STX3: variants seen among roughly 807,000 people sequenced by gnomAD.
The protein encoded by STX3 is syntaxin 3, also known as syntaxin-3.
Under a neutral mutation model 40.2 loss-of-function variants are expected in STX3, and 19 were observed. The ratio of observed to expected loss-of-function variants is 0.47; its 90% CI spans 0.33 to 0.69. The LOEUF is 0.69. STX3 is among the 30% of genes least tolerant of loss of function. STX3 has a pLI of 0.02. For synonymous variants in STX3, 122 were observed against 132.2 expected (o/e 0.92, Z 0.53); for missense variants, 364 against 366.7 (o/e 0.99, Z 0.06).
At chr11:59,780,753 A>C (rs1864318863) in intron 2 of STX3, among the ~76,000 whole-genome samples, 2 of 152,176 alleles carry the variant, frequency 1.3e-5, no homozygotes, top group Admixed American at 6.5e-5. Context: ...GTGCCCCAGC[A>C]AACTTCTGTT....
chr11:59,793,365 T>C lies in STX3; in HGVS notation c.541-15T>C. 1 of 1,612,002 alleles carries C rather than the reference T, an allele frequency of 6.2e-7. No homozygotes were observed. Among genetic ancestry groups the C allele is most frequent in the South Asian group, 1.1e-5 (1 of 90,932 alleles). On this transcript the variant is annotated splice_polypyrimidine_tract_variant and intron_variant, in intron 7 of 10. Coordinates refer to ENST00000337979, the MANE Select transcript of STX3 (RefSeq NM_004177.5). ...TTGCAGGGGTAGCTAACAGTCTGTG[T>C]GTGGCCTGTTGTAGATCATTGACTC...
intron 2 of STX3, among the ~76,000 whole-genome samples, chr11:59,781,092 T>A (rs1247221791): frequency 6.8e-6 from 1 of 147,186 alleles, no homozygotes; most frequent in Non-Finnish European, 1.5e-5. Flanking sequence ...TTTCTTTTTT[T>A]TTTTTTTTTA....
intron 1 of STX3, among the ~76,000 whole-genome samples, chr11:59,770,989 C>G (rs1863590574): frequency 1.3e-5 from 2 of 152,022 alleles, no homozygotes; most frequent in Non-Finnish European, 2.9e-5. Flanking sequence ...TGACTCGGGC[C>G]CATTCACTTC....
chr11:59,761,953 A>G (rs1048143802), intron 1 of STX3, among the ~76,000 whole-genome samples: 9 of 152,074 alleles, frequency 5.9e-5, no homozygotes, highest in Admixed American at 1.3e-4. Flanking sequence ...ACTACAGTGT[A>G]CACTTAGCAA....
intron 1 of STX3, among the ~76,000 whole-genome samples, chr11:59,765,530 G>A (rs550087762): frequency 6.6e-6 from 1 of 152,282 alleles, no homozygotes; most frequent in African/African-American, 2.4e-5. Flanking sequence ...CAGGCTGGGT[G>A]CGGTGGCTCA....
At chr11:59,773,700 C>A (rs1363549459) in intron 2 of STX3, among the ~76,000 whole-genome samples, 2 of 152,070 alleles carry the variant, frequency 1.3e-5, no homozygotes, top group Non-Finnish European at 2.9e-5. Context: ...AATTTTGGGG[C>A]CAGACATGGT....
chr11:59,773,343 A>G (rs757407833), intron 2 of STX3, 49 bp downstream of exon 2: 14 of 1,563,116 alleles, frequency 9.0e-6, no homozygotes, highest in South Asian at 3.4e-5. Flanking sequence ...AGGAAACACT[A>G]TTTCCTTAGT....
Position 59,793,106 on chromosome 11 carries a change from A to G in STX3, c.474A>G (p.Lys158=). 1.9e-6 allele frequency: 3 copies of G among 1,613,548 alleles called. No homozygotes were observed. The highest frequency in any genetic ancestry group is 2.5e-6 in the Non-Finnish European group (3 of 1,179,986). Residue 158 remains lysine (K), a synonymous_variant, in exon 7 of 11, where the codon AAA becomes AAG. Coordinates refer to ENST00000337979, the MANE Select transcript of STX3 (RefSeq NM_004177.5). The part of the protein sequence containing the change: ...RIQRQLEITG[K]KTTDEELEEM... ...ACTTCTTTTGTTACAAAGCTGGCAA[A>G]AAGACAACCGATGAGGAGCTGGAGG...
At chr11:59,799,742 T>G in intron 10 of STX3, 1 of 985,422 alleles carries the variant, frequency 1.0e-6, no homozygotes. Flanking sequence ...ATTACAGCAT[T>G]GAGCATTCAA....
At chr11:59,799,674 G>C in intron 10 of STX3, 1 of 985,406 alleles carries the variant, frequency 1.0e-6, no homozygotes. Context: ...ATTTGTTTCA[G>C]TGTGTCTCTT....
chr11:59,763,167 T>C (rs1480665443), intron 1 of STX3, among the ~76,000 whole-genome samples: 4 of 152,300 alleles, frequency 2.6e-5, no homozygotes, highest in Admixed American at 2.0e-4. Context: ...GCATGGAACA[T>C]TGTGGCTGTG....
At position 59,802,542 on chromosome 11, in the gene STX3, C is replaced by G; in HGVS notation, c.*1718C>G. On this transcript the variant is annotated 3_prime_UTR_variant, in exon 11 of 11. Transcript: ENST00000337979. ...GTGGATGGGCTCCAGCAACAAGAGA[C>G]AAAATAACTAAAGGCCTTTGCTCTC... The G allele has an allele frequency of 1.0e-6, 1 of 985,810 alleles. No homozygotes were observed. The highest frequency in any genetic ancestry group is 1.2e-6 in the Non-Finnish European group (1 of 829,916). The allele number at this position is 985,810 out of a possible 1,614,324, so 61.1% of individuals were successfully genotyped here.
chr11:59,781,216 TG>T, intron 2 of STX3: 2 of 794,116 alleles, frequency 2.5e-6, no homozygotes, highest in Non-Finnish European at 4.0e-6. Flanking sequence ...AACACAGTAA[TG>T]AAAAAAAAAA....
At chr11:59,771,396 C>T (rs1863624024) in intron 1 of STX3, among the ~76,000 whole-genome samples, 1 of 119,738 alleles carries the variant, frequency 8.4e-6, no homozygotes, top group African/African-American at 3.6e-5. Flanking sequence ...CCCCCCGTCC[C>T]CCCACCTCCC....
At position 59,805,612 on chromosome 11, in the gene STX3, G is replaced by A. The variant is rs1866061586; in HGVS notation, c.*4788G>A. The A allele has an allele frequency of 6.6e-6, 1 of 152,136 alleles. No homozygotes were observed. Among genetic ancestry groups the A allele is most frequent in the South Asian group, 2.1e-4 (1 of 4,832 alleles). The allele number at this position is 152,136 out of a possible 1,614,324, so 9.4% of individuals were successfully genotyped here. A position where few individuals can be genotyped will look rare whatever the true frequency, so the allele number is the denominator to read the frequency against. On this transcript the variant is annotated 3_prime_UTR_variant, in exon 11 of 11. Transcript: ENST00000337979. ...TGGAGCTATGAGGATCTGAGTCCTA[G>A]GGGGCCCTCATTCACTAGCAGTAAG...
intron 2 of STX3, among the ~76,000 whole-genome samples, chr11:59,785,420 C>G (rs1456143442): frequency 6.6e-6 from 1 of 152,154 alleles, no homozygotes; most frequent in Non-Finnish European, 1.5e-5. Flanking sequence ...TGGCTTCAAC[C>G]TCCCAGGCTC....
chr11:59,790,628 T>G, intron 5 of STX3, 42 bp downstream of exon 5: 25 of 1,475,960 alleles, frequency 1.7e-5, no homozygotes, highest in Non-Finnish European at 2.2e-5. Context: ...GTCCAATCTC[T>G]TATTGTTTTC....
chr11:59,790,033 T>TC (rs539385987), intron 4 of STX3, among the ~76,000 whole-genome samples: 28 of 152,090 alleles, frequency 1.8e-4, no homozygotes, highest in Non-Finnish European at 3.2e-4. Context: ...TACCATTTCT[T>TC]CCCCCCAAGT....
intron 1 of STX3, among the ~76,000 whole-genome samples, chr11:59,763,616 T>A (rs1863145169): frequency 6.6e-6 from 1 of 152,222 alleles, no homozygotes; most frequent in Non-Finnish European, 1.5e-5. Context: ...TAGAAATTAA[T>A]ACAATAATTG....
Sources: allele counts gnomAD v4.1 joint callset (sites outside exome capture counted in the v4.1 genomes callset), GRCh38; gene constraint gnomAD v4.1.1; transcripts MANE v1.5; gene names NCBI Gene and HGNC (gene_info 2026-07-23, HGNC 2026-07-21).